ATP2B4: variants seen among roughly 807,000 people sequenced by gnomAD.
ATP2B4 encodes the protein ATPase plasma membrane Ca2+ transporting 4.
A neutral mutation model predicts 110.3 loss-of-function variants in ATP2B4; 39 were observed. That is an observed-to-expected ratio of 0.35 (90% CI 0.27 to 0.46). ATP2B4 has a LOEUF of 0.46. ATP2B4 is among the 20% of genes least tolerant of loss of function. ATP2B4 has a pLI of 1.00. For missense variants in ATP2B4, 1,135 were observed against 1,530.9 expected (o/e 0.74, Z 4.32); for synonymous variants, 538 against 571.7 (o/e 0.94, Z 0.84).
Position 203,721,344 on chromosome 1 carries a change from A to G in ATP2B4, c.2746A>G (p.Met916Val). 6.2e-7 allele frequency: 1 copy of G among 1,614,224 alleles called. No homozygotes were observed. Among genetic ancestry groups the G allele is most frequent in the Non-Finnish European group, 8.5e-7 (1 of 1,180,050 alleles). ...GRNKPLISRT[M>V]MKNILGHAFY... The stretch of plus-strand genomic sequence containing the variant: ...AAATAAGCCTCTGATCTCACGCACT[A>G]TGATGAAGAACATCTTGGGCCATGC... Residue 916 changes from methionine to valine, a missense_variant, in exon 17 of 21, where the codon ATG (methionine) becomes GTG (valine). Transcript: ENST00000357681.
chr1:203,667,652 C>T (rs1664547040), intron 1 of ATP2B4, among the ~76,000 whole-genome samples: 1 of 152,234 alleles, frequency 6.6e-6, no homozygotes, highest in Non-Finnish European at 1.5e-5. Flanking sequence ...TGCAGGAGCC[C>T]AGTGGAAGAA....
intron 2 of ATP2B4, among the ~76,000 whole-genome samples, chr1:203,689,677 A>T (rs6594013): frequency 0.58 from 88,810 of 152,182 alleles, 27,726 homozygotes; most frequent in Non-Finnish European, 0.71. Flanking sequence ...TAATACTTAA[A>T]AACTGCTAGG....
At chr1:203,668,314 T>TA in intron 1 of ATP2B4, among the ~76,000 whole-genome samples, 1 of 152,320 alleles carries the variant, frequency 6.6e-6, no homozygotes, top group East Asian at 1.9e-4. Context: ...TTAATCTGTC[T>TA]AGTCTTCTGC....
intron 1 of ATP2B4, among the ~76,000 whole-genome samples, chr1:203,642,838 T>C (rs1663672513): frequency 6.6e-6 from 1 of 152,216 alleles, no homozygotes; most frequent in Non-Finnish European, 1.5e-5. Flanking sequence ...TCAGACTCAA[T>C]TTCCTCTGGA....
intron 1 of ATP2B4, among the ~76,000 whole-genome samples, chr1:203,652,667 GT>G (rs1664034197): frequency 6.6e-6 from 1 of 151,964 alleles, no homozygotes; most frequent in Non-Finnish European, 1.5e-5. Context: ...ATGTTTCAAA[GT>G]TTTTCATTAT....
At chr1:203,648,626 A>C (rs1663884765) in intron 1 of ATP2B4, among the ~76,000 whole-genome samples, 1 of 152,212 alleles carries the variant, frequency 6.6e-6, no homozygotes, top group South Asian at 2.1e-4. Context: ...TGCAGGATCC[A>C]GGGCCAGGAC....
In ATP2B4 at chr1:203,702,028, T is replaced by A. The variant is rs778108850; in HGVS notation, c.902-16T>A. ...TTTGGGTTTCGACCCCACTTTTTTC[T>A]TTCTTGTTCAAACAGGTAAAAAACA... On this transcript the variant is annotated splice_polypyrimidine_tract_variant and intron_variant, in intron 6 of 20. Transcript: ENST00000357681. 1 of 1,614,080 alleles carries A rather than the reference T, an allele frequency of 6.2e-7. No individual in the cohort carries two copies. Among genetic ancestry groups the A allele is most frequent in the East Asian group, 2.2e-5 (1 of 44,866 alleles).
Position 203,720,455 on chromosome 1 carries a change from T to C in ATP2B4, c.2407-94T>C, listed in dbSNP as rs778393789. Reference sequence around the variant, plus strand: ...TTTGTGTGACTAGTGTGCCCTGTAGTATTTACACTGACTTCGGAAGCTTCC... The same window carrying C: ...TTTGTGTGACTAGTGTGCCCTGTAGCATTTACACTGACTTCGGAAGCTTCC... On this transcript the variant is annotated intron_variant, in intron 15 of 20. Transcript: ENST00000357681. 32 of 1,250,334 alleles carry C rather than the reference T, an allele frequency of 2.6e-5. No individual in the cohort carries two copies. The Admixed American group carries it at 4.0e-4, about 15-fold the overall frequency. The allele number at this position is 1,250,334 out of a possible 1,614,324, so 77.5% of individuals were successfully genotyped here.
chr1:203,727,456 C>T lies in ATP2B4; in HGVS notation c.3194C>T (p.Thr1065Ile). The change falls in exon 20 of 21, where the codon ACC becomes ATC. Residue 1065 changes from threonine (T) to isoleucine (I), a missense_variant. Around this residue, in one of 9 missense-constraint regions of ATP2B4, gnomAD observed 61 missense variants for 123.4 expected, o/e 0.49. Transcript: ENST00000357681. Reference sequence around the variant, plus strand: ...CTGAAGGAGGCTGGGCATGGCACCACCAAAGAGGAGATCACCAAGGATGCC... The same window carrying T: ...CTGAAGGAGGCTGGGCATGGCACCATCAAAGAGGAGATCACCAAGGATGCC... Reference protein sequence around the residue: ...KFLKEAGHGTTKEEITKDAEG... With the variant: ...KFLKEAGHGTIKEEITKDAEG... 6.2e-7 allele frequency: 1 copy of T among 1,614,236 alleles called. No individual in the cohort carries two copies. Among genetic ancestry groups the T allele is most frequent in the Non-Finnish European group, 8.5e-7 (1 of 1,180,026 alleles).
At chr1:203,681,668 A>G (rs1439768127) in intron 1 of ATP2B4, among the ~76,000 whole-genome samples, 1 of 152,058 alleles carries the variant, frequency 6.6e-6, no homozygotes, top group African/African-American at 2.4e-5. Flanking sequence ...TGTCACCTAC[A>G]CCACACCCCC....
At position 203,692,977 on chromosome 1, in the gene ATP2B4, C is replaced by G. The variant is rs951770762; in HGVS notation, c.194-5180C>G. 6.4e-4 allele frequency among the ~76,000 whole-genome samples: 98 copies of G among 152,208 alleles called. 3 individuals are homozygous for G. The highest frequency in any genetic ancestry group is 2.0e-4 in the Admixed American group (3 of 15,286). ...TGGTTCATAGGGCCAGAAGTACTCC[C>G]ACTCTGGGTGGGGCTTTCTCTCTCA... On this transcript the variant is annotated intron_variant, in intron 2 of 20. Coordinates refer to ENST00000357681, the MANE Select transcript of ATP2B4 (RefSeq NM_001684.5).
intron 15 of ATP2B4, among the ~76,000 whole-genome samples, chr1:203,717,941 G>T (rs1666207478): frequency 6.6e-6 from 1 of 152,068 alleles, no homozygotes. Context: ...ACCGCGCCCG[G>T]CCTGAAACGG....
intron 20 of ATP2B4, among the ~76,000 whole-genome samples, chr1:203,727,928 A>G (rs1430835247): frequency 6.6e-6 from 1 of 152,170 alleles, no homozygotes; most frequent in Non-Finnish European, 1.5e-5. Context: ...GTTTTTCCCT[A>G]CCCTTCAGAA....
At chr1:203,663,439 A>G (rs577990544) in intron 1 of ATP2B4, among the ~76,000 whole-genome samples, 18 of 152,160 alleles carry the variant, frequency 1.2e-4, no homozygotes, top group African/African-American at 4.3e-4. Context: ...AAGAAGAATG[A>G]CACACACACA....
intron 1 of ATP2B4, chr1:203,657,781 C>G: frequency 1.6e-6 from 1 of 625,016 alleles, no homozygotes; most frequent in Non-Finnish European, 2.9e-6. Flanking sequence ...GCAGAACCAC[C>G]AGGAGTAGCC....
chr1:203,643,066 A>G (rs1663680267), intron 1 of ATP2B4, among the ~76,000 whole-genome samples: 2 of 152,166 alleles, frequency 1.3e-5, no homozygotes, highest in Non-Finnish European at 2.9e-5. Flanking sequence ...GTCTCCCCGT[A>G]GCGAAAGGCC....
At position 203,708,342 on chromosome 1, in the gene ATP2B4, G is replaced by A. The variant is rs116414020; in HGVS notation, c.1557+238G>A. Among the ~76,000 whole-genome samples, 1,101 of 152,278 alleles carry A rather than the reference G, an allele frequency of 7.2e-3. 16 individuals are homozygous for A. The highest frequency in any genetic ancestry group is 0.024 in the African/African-American group (1,001 of 41,544). ...CAGGAAATACCCTCCCAATTAGCAT[G>A]TAAAAGCAATGTCTCTAAGGAGGGA... On this transcript the variant is annotated intron_variant, in intron 10 of 20. Transcript: ENST00000357681.
intron 1 of ATP2B4, among the ~76,000 whole-genome samples, chr1:203,648,422 G>T (rs911337566): frequency 2.0e-5 from 3 of 152,192 alleles, no homozygotes; most frequent in Non-Finnish European, 4.4e-5. Flanking sequence ...TCTATGATGG[G>T]ACACTAGATG....
intron 20 of ATP2B4, among the ~76,000 whole-genome samples, chr1:203,730,771 A>C (rs181572054): frequency 6.6e-6 from 1 of 152,340 alleles, no homozygotes; most frequent in Non-Finnish European, 1.5e-5. Context: ...TTGGAGCATG[A>C]GGCAGTTGGG....
Sources: allele counts gnomAD v4.1 joint callset (sites outside exome capture counted in the v4.1 genomes callset), GRCh38; gene constraint gnomAD v4.1.1; regional missense constraint gnomAD v4.1.1; transcripts MANE v1.5; gene names NCBI Gene and HGNC (gene_info 2026-07-23, HGNC 2026-07-21).